CNTNAP2: variants seen among roughly 807,000 people sequenced by gnomAD.
The protein encoded by CNTNAP2 is contactin associated protein 2, also known as contactin-associated protein-like 2.
In CNTNAP2, 98 loss-of-function variants were observed where a neutral mutation model predicts 155.2. The observed-to-expected ratio is 0.63, with a 90% CI of 0.54 to 0.75. CNTNAP2 has a LOEUF of 0.75. CNTNAP2 is among the 30% of genes least tolerant of loss of function. CNTNAP2 has a pLI of 0.00. For synonymous variants in CNTNAP2, 651 were observed against 631.2 expected (o/e 1.03, Z -0.47); for missense variants, 1,727 against 1,688.1 (o/e 1.02, Z -0.40).
chr7:146,746,013 G>A (rs887441888), intron 1 of CNTNAP2, among the ~76,000 whole-genome samples: 5 of 152,208 alleles, frequency 3.3e-5, no homozygotes, highest in Admixed American at 1.3e-4. Context: ...CCTTTTGGCT[G>A]TGATCAAGGG....
intron 4 of CNTNAP2, among the ~76,000 whole-genome samples, chr7:147,107,515 C>A (rs1007064865): frequency 6.6e-6 from 1 of 152,048 alleles, no homozygotes; most frequent in South Asian, 2.1e-4. Flanking sequence ...GTGCCCAATT[C>A]TCCATTCCAA....
At chr7:146,984,450 TA>T (rs1344273217) in intron 3 of CNTNAP2, among the ~76,000 whole-genome samples, 1 of 152,138 alleles carries the variant, frequency 6.6e-6, no homozygotes, top group African/African-American at 2.4e-5. Context: ...GTTTTCACTT[TA>T]TTTTTTTTTC....
At chr7:147,422,261 A>G (rs1797307409) in intron 10 of CNTNAP2, among the ~76,000 whole-genome samples, 1 of 150,066 alleles carries the variant, frequency 6.7e-6, no homozygotes. Context: ...TACACACAAT[A>G]TATACTGTAT....
In CNTNAP2 at chr7:147,287,678, A is replaced by G. The variant is rs768398218; in HGVS notation, c.1349-12463A>G. Among the ~76,000 whole-genome samples, 60 of 152,042 alleles carry G rather than the reference A, an allele frequency of 3.9e-4. 1 individual carries two copies. Among genetic ancestry groups the G allele is most frequent in the Non-Finnish European group, 6.9e-4 (47 of 68,012 alleles). On this transcript the variant is annotated intron_variant, in intron 8 of 23. Transcript: ENST00000361727. Reference sequence around the variant, plus strand: ...TTTCTTGAGCTCCAGACCCAAATATATAACTGCCTACCTGATATCTCTACT... The same window carrying G: ...TTTCTTGAGCTCCAGACCCAAATATGTAACTGCCTACCTGATATCTCTACT...
At chr7:146,807,736 A>G (rs1802993392) in intron 2 of CNTNAP2, among the ~76,000 whole-genome samples, 1 of 151,288 alleles carries the variant, frequency 6.6e-6, no homozygotes, top group Non-Finnish European at 1.5e-5. Context: ...CCATCTCTGT[A>G]TTTTCTTCTT....
At chr7:148,132,407 G>A (rs755556989) in intron 16 of CNTNAP2, among the ~76,000 whole-genome samples, 4 of 143,974 alleles carry the variant, frequency 2.8e-5, no homozygotes, top group Non-Finnish European at 6.0e-5. Flanking sequence ...TTTAGTTTAG[G>A]TACTTCTCAA....
At chr7:146,371,399 C>T (rs1349265686) in intron 1 of CNTNAP2, among the ~76,000 whole-genome samples, 3 of 117,962 alleles carry the variant, frequency 2.5e-5, no homozygotes, top group African/African-American at 3.4e-5. Context: ...GATGGAGTCT[C>T]GCTCTGTTGC....
At chr7:147,687,340 A>G (rs1351412782) in intron 13 of CNTNAP2, among the ~76,000 whole-genome samples, 1 of 152,144 alleles carries the variant, frequency 6.6e-6, no homozygotes, top group East Asian at 1.9e-4. Context: ...GAGTGATAGG[A>G]GAGGTCTATG....
chr7:148,238,697 A>G (rs995703920), intron 20 of CNTNAP2, among the ~76,000 whole-genome samples: 3 of 152,208 alleles, frequency 2.0e-5, no homozygotes, highest in African/African-American at 7.2e-5. Flanking sequence ...AGCACACAGT[A>G]TCATACACCC....
intron 18 of CNTNAP2, among the ~76,000 whole-genome samples, chr7:148,207,230 G>T (rs1795465071): frequency 6.6e-6 from 1 of 152,256 alleles, no homozygotes; most frequent in South Asian, 2.1e-4. Flanking sequence ...TACAGTGCAG[G>T]CGGCACTTGC....
chr7:147,732,476 G>A (rs1022590260), intron 13 of CNTNAP2, among the ~76,000 whole-genome samples: 18 of 152,080 alleles, frequency 1.2e-4, no homozygotes, highest in Non-Finnish European at 2.2e-4. Context: ...TTGCTATTGT[G>A]AATAGTGCCA....
At chr7:146,550,415 T>TTTTTTTTTTTG (rs1798102042) in intron 1 of CNTNAP2, among the ~76,000 whole-genome samples, 14 of 115,760 alleles carry the variant, frequency 1.2e-4, no homozygotes, top group Non-Finnish European at 2.3e-4. Flanking sequence ...TTTTTTTTTT[T>TTTTTTTTTTTG]TTTTTTTTTT....
intron 5 of CNTNAP2, among the ~76,000 whole-genome samples, chr7:147,113,581 TC>T (rs879840155): frequency 3.3e-5 from 5 of 151,998 alleles, no homozygotes; most frequent in Non-Finnish European, 7.4e-5. Flanking sequence ...CAGAGTGAAG[TC>T]GGGGAAAGCC....
intron 1 of CNTNAP2, among the ~76,000 whole-genome samples, chr7:146,357,355 A>G (rs1795014380): frequency 6.6e-6 from 1 of 152,138 alleles, no homozygotes; most frequent in South Asian, 2.1e-4. Context: ...AACATAAAAT[A>G]ATGTCTGATA....
chr7:147,729,693 A>T (rs946424740), intron 13 of CNTNAP2, among the ~76,000 whole-genome samples: 1 of 152,128 alleles, frequency 6.6e-6, no homozygotes, highest in Non-Finnish European at 1.5e-5. Flanking sequence ...GTAATAGAGA[A>T]GATGGATTGT....
intron 18 of CNTNAP2, among the ~76,000 whole-genome samples, chr7:148,185,924 A>C (rs1346913179): frequency 6.6e-6 from 1 of 152,226 alleles, no homozygotes; most frequent in African/African-American, 2.4e-5. Flanking sequence ...GGCCTCATAC[A>C]ACAACCTCCT....
chr7:148,071,806 T>G (rs1337258304), intron 15 of CNTNAP2, among the ~76,000 whole-genome samples: 2 of 152,210 alleles, frequency 1.3e-5, no homozygotes, highest in African/African-American at 2.4e-5. Flanking sequence ...ATACAAGTCT[T>G]CAATTCACCA....
chr7:147,584,785 G>A (rs1800584867), intron 12 of CNTNAP2, among the ~76,000 whole-genome samples: 1 of 152,202 alleles, frequency 6.6e-6, no homozygotes, highest in Non-Finnish European at 1.5e-5. Flanking sequence ...CTGTTTTGAA[G>A]AGGCTACAGC....
chr7:147,955,664 C>T (rs570692717), intron 14 of CNTNAP2, among the ~76,000 whole-genome samples: 2 of 152,220 alleles, frequency 1.3e-5, no homozygotes, highest in East Asian at 1.9e-4. Flanking sequence ...AACTCACTGG[C>T]CTGCTCCCCA....
Sources: gnomAD v4.1 joint callset for allele counts (sites outside exome capture counted in the v4.1 genomes callset) on GRCh38, gnomAD v4.1.1 for gene constraint, MANE v1.5 for transcripts, NCBI Gene and HGNC (gene_info 2026-07-23, HGNC 2026-07-21) for gene names.